The following HFM1 variants were observed in gnomAD, a reference collection of about 807,000 sequenced individuals.
The protein encoded by HFM1 is helicase for meiosis 1, also known as probable ATP-dependent DNA helicase HFM1.
A neutral mutation model predicts 192.1 loss-of-function variants in HFM1; 169 were observed. That is an observed-to-expected ratio of 0.88 (90% confidence interval 0.78 to 1.00). The LOEUF is 1.00. Ranked by LOEUF, HFM1 falls within the 50% of genes least tolerant of loss-of-function variation. The pLI is 0.00. For missense variants in HFM1, 1,661 were observed against 1,668.0 expected, an observed-to-expected ratio of 1.00 and a Z score of 0.07; for synonymous variants, 525 against 537.8, an observed-to-expected ratio of 0.98 and a Z score of 0.33.
chr1:91,367,954 T>C (rs1659608981), intron 13 of HFM1, among the ~76,000 whole-genome samples: 1 of 152,058 alleles, frequency 6.6e-6, no homozygotes, highest in Non-Finnish European at 1.5e-5. Flanking sequence ...ATGTGACGAA[T>C]GCACAAGCCT....
In HFM1 at chr1:91,404,787, C is replaced by T. The variant is rs776476764; in HGVS notation, c.-28+11G>A. 1.1e-5 allele frequency: 5 copies of T among 447,424 alleles called. No individual in the cohort carries two copies. The highest frequency in any genetic ancestry group is 2.2e-5 in the Non-Finnish European group (5 of 223,220). The allele number at this position is 447,424 out of a possible 1,614,324, so 27.7% of individuals were successfully genotyped here. ...CACCTTCCCCGCGGGCGTCCGGGCC[C>T]CTCTCCTCACCTCCCTGCGGACAGC... On this transcript the variant is annotated intron_variant, in intron 1 of 38. Coordinates refer to ENST00000370425, the MANE Select transcript of HFM1 (RefSeq NM_001017975.6).
rs1001750994 is a variant in HFM1 at position 91,314,074 on chromosome 1, T to C, written c.3141-14A>G. The C allele has an allele frequency of 1.4e-6, 2 of 1,440,708 alleles. No homozygotes were observed. The highest frequency in any genetic ancestry group is 1.7e-5 in the Admixed American group (1 of 57,700). 89.2% of individuals were successfully genotyped at this position (1,440,708 alleles called of 1,614,324 possible). ...AAAACAGAATCCCTGAAAAATAGTATAGTTTAAATAGTGATCCAAACACTG... is the reference window on the plus strand; with the variant it reads ...AAAACAGAATCCCTGAAAAATAGTACAGTTTAAATAGTGATCCAAACACTG... On this transcript the variant is annotated splice_polypyrimidine_tract_variant and intron_variant, in intron 28 of 38. Transcript: ENST00000370425.
At chr1:91,325,334 C>T (rs1652735036) in intron 20 of HFM1, among the ~76,000 whole-genome samples, 1 of 152,310 alleles carries the variant, frequency 6.6e-6, no homozygotes, top group East Asian at 1.9e-4. Context: ...AACTCACCAT[C>T]CCGAAGTGAA....
intron 3 of HFM1, among the ~76,000 whole-genome samples, chr1:91,395,137 A>T (rs1203640742): frequency 1.3e-5 from 2 of 152,110 alleles, no homozygotes; most frequent in African/African-American, 4.8e-5. Flanking sequence ...GGTCACATAC[A>T]TTGTTTGAGT....
At chr1:91,317,213 G>A (rs747018756) in intron 25 of HFM1, among the ~76,000 whole-genome samples, 9 of 151,938 alleles carry the variant, frequency 5.9e-5, no homozygotes, top group Non-Finnish European at 1.3e-4. Context: ...TCGGGAGTTC[G>A]AGACCAACCT....
chr1:91,310,929 G>C (rs1485392149), intron 30 of HFM1, among the ~76,000 whole-genome samples: 1 of 152,154 alleles, frequency 6.6e-6, no homozygotes, highest in Non-Finnish European at 1.5e-5. Flanking sequence ...CAGTAGAGTG[G>C]GGACATTGCT....
intron 4 of HFM1, among the ~76,000 whole-genome samples, chr1:91,386,840 G>A (rs1662267738): frequency 6.6e-6 from 1 of 152,130 alleles, no homozygotes; most frequent in South Asian, 2.1e-4. Flanking sequence ...GAAGCTACCA[G>A]ATAAGACAGT....
chr1:91,315,223 C>T (rs932444146), intron 28 of HFM1, among the ~76,000 whole-genome samples: 5 of 152,134 alleles, frequency 3.3e-5, no homozygotes, highest in African/African-American at 1.2e-4. Flanking sequence ...TATTTGGAAC[C>T]TACTAAGTGC....
intron 8 of HFM1, 137 bp from the exon 9 acceptor site, chr1:91,379,351 T>G: frequency 1.5e-6 from 1 of 673,670 alleles, no homozygotes; most frequent in Non-Finnish European, 2.5e-6. Context: ...ATGAACAATA[T>G]AGGCACATTA....
chr1:91,287,122 A>T (rs1318721129), intron 30 of HFM1, among the ~76,000 whole-genome samples: 1 of 152,204 alleles, frequency 6.6e-6, no homozygotes, highest in Admixed American at 6.5e-5. Flanking sequence ...TTAGGTAAAC[A>T]AAGCAGCCGG....
intron 20 of HFM1, among the ~76,000 whole-genome samples, chr1:91,326,677 A>G (rs987542773): frequency 1.3e-5 from 2 of 152,258 alleles, no homozygotes; most frequent in Non-Finnish European, 2.9e-5. Context: ...ATTTGAAAGT[A>G]CAAAACTCAC....
chr1:91,344,529 C>T (rs1285383871), intron 19 of HFM1, among the ~76,000 whole-genome samples: 4 of 152,092 alleles, frequency 2.6e-5, no homozygotes, highest in Admixed American at 2.6e-4. Context: ...TCTATGTTTA[C>T]AGCAGTTAAC....
intron 6 of HFM1, among the ~76,000 whole-genome samples, chr1:91,382,124 C>G (rs915366792): frequency 3.3e-5 from 5 of 152,102 alleles, no homozygotes; most frequent in African/African-American, 1.2e-4. Context: ...GCCATGAGGC[C>G]TTCCCTCTGC....
intron 32 of HFM1, among the ~76,000 whole-genome samples, chr1:91,275,681 C>T (rs1399935146): frequency 6.6e-6 from 1 of 152,098 alleles, no homozygotes; most frequent in African/African-American, 2.4e-5. Context: ...AGCAAGGTAG[C>T]GATTCTACCT....
intron 13 of HFM1, among the ~76,000 whole-genome samples, chr1:91,367,274 C>A (rs560280246): frequency 6.6e-6 from 1 of 152,202 alleles, no homozygotes; most frequent in African/African-American, 2.4e-5. Context: ...TCTCCCAGCA[C>A]GCAGCTTGAG....
chr1:91,294,017 G>A lies in HFM1; in HGVS notation c.3392-16955C>T, dbSNP rs576295962. Reference sequence around the variant, plus strand: ...TGAACAATGAGAACACATGGACACAGGAAGGGGAACATCACACTCTGGGGA... The same window carrying A: ...TGAACAATGAGAACACATGGACACAAGAAGGGGAACATCACACTCTGGGGA... On this transcript the variant is annotated intron_variant, in intron 30 of 38. Transcript: ENST00000370425. 8.9e-5 allele frequency among the ~76,000 whole-genome samples: 13 copies of A among 146,542 alleles called. No individual in the cohort carries two copies. In the South Asian group the frequency reaches 1.5e-3, roughly 17 times the overall value.
intron 20 of HFM1, among the ~76,000 whole-genome samples, chr1:91,342,548 C>G (rs566687234): frequency 2.3e-4 from 35 of 152,302 alleles, no homozygotes; most frequent in Middle Eastern, 3.4e-3. Flanking sequence ...TATCATATTT[C>G]TCCATGACTT....
rs188856855 is a variant in HFM1 at position 91,312,276 on chromosome 1, T to C, written c.3391+1073A>G. 6.4e-3 allele frequency among the ~76,000 whole-genome samples: 968 copies of C among 152,114 alleles called. 32 individuals are homozygous for C. The highest frequency in any genetic ancestry group is 0.051 in the Admixed American group (782 of 15,280). On this transcript the variant is annotated intron_variant, in intron 30 of 38. Coordinates refer to ENST00000370425, the MANE Select transcript of HFM1 (RefSeq NM_001017975.6). Reference sequence around the variant, plus strand: ...CCCGAATGGTAGATCCACCGACAGCTTGAACTGTGCACTTGGAAAAGCTGC... The same window carrying C: ...CCCGAATGGTAGATCCACCGACAGCCTGAACTGTGCACTTGGAAAAGCTGC...
rs1279540999 is a variant in HFM1 at position 91,394,260 on chromosome 1, T to A, written c.327A>T (p.Val109=). Reference sequence around the variant, plus strand: ...CAATATGTGATAAGTCATTATTACCTACCCCTTCTAAATTTAGATCATCCT... The same window carrying A: ...CAATATGTGATAAGTCATTATTACCAACCCCTTCTAAATTTAGATCATCCT... ...YEQDDLNLEG[V]GNNDLSHIAG... The change falls in exon 4 of 39, where the codon GTA becomes GTT. Residue 109 remains valine, a synonymous_variant. Coordinates refer to ENST00000370425, the MANE Select transcript of HFM1 (RefSeq NM_001017975.6). The A allele has an allele frequency of 1.3e-6, 2 of 1,597,544 alleles. No individual in the cohort carries two copies. The highest frequency in any genetic ancestry group is 2.2e-5 in the South Asian group (2 of 90,806).
Sources: gnomAD v4.1 joint callset for allele counts (sites outside exome capture counted in the v4.1 genomes callset) on GRCh38, gnomAD v4.1.1 for gene constraint, MANE v1.5 for transcripts, NCBI Gene and HGNC (gene_info 2026-07-23, HGNC 2026-07-21) for gene names.